Variants in C16orf87 observed in about 807,000 individuals in gnomAD.
C16orf87 encodes the protein UPF0547 protein C16orf87.
Under a neutral mutation model 21.0 loss-of-function variants are expected in C16orf87, and 13 were observed. The ratio of observed to expected loss-of-function variants is 0.62; its 90% CI spans 0.40 to 0.98. The LOEUF is 0.98. C16orf87 is among the 50% of genes least tolerant of loss of function. The probability of loss-of-function intolerance (pLI) is 0.00; values close to 1 mark genes in which losing one functional copy is unlikely to be tolerated. For missense variants in C16orf87, 113 were observed against 180.4 expected, an observed-to-expected ratio of 0.63 and a Z score of 2.14; for synonymous variants, 49 against 60.2, an observed-to-expected ratio of 0.81 and a Z score of 0.86.
At chr16:46,829,893 A>G (rs1302518335) in intron 1 of C16orf87, among the ~76,000 whole-genome samples, 1 of 151,400 alleles carries the variant, frequency 6.6e-6, no homozygotes, top group Non-Finnish European at 1.5e-5. Flanking sequence ...TCAGCTTATT[A>G]AAAAGTCTCC....
rs372934233 is a variant in C16orf87 at position 46,798,563 on chromosome 16, C to T, written c.*4389G>A. The T allele has an allele frequency of 2.2e-4, 34 of 152,146 alleles. 1 individual carries two copies. The highest frequency in any genetic ancestry group is 8.2e-4 in the African/African-American group (34 of 41,466). The allele number at this position is 152,146 out of a possible 1,614,324, so 9.4% of individuals were successfully genotyped here. The stretch of plus-strand genomic sequence containing the variant: ...AGGAGTTGAAGACCAGCCTGGCCAA[C>T]ATGGTAAAAACCTATCTCTACTAAA... On this transcript the variant is annotated 3_prime_UTR_variant, in exon 4 of 4. Coordinates refer to ENST00000285697, the MANE Select transcript of C16orf87 (RefSeq NM_001001436.4).
chr16:46,830,067 G>T (rs1959782086), intron 1 of C16orf87, among the ~76,000 whole-genome samples: 2 of 152,050 alleles, frequency 1.3e-5, no homozygotes, highest in African/African-American at 4.8e-5. Context: ...GGTTTTAACT[G>T]AAGTAGTTTT....
rs115579740 is a variant in C16orf87 at position 46,823,455 on chromosome 16, C to A, written c.163+931G>T. On this transcript the variant is annotated intron_variant, in intron 2 of 3. Transcript: ENST00000285697. The stretch of plus-strand genomic sequence containing the variant: ...CCAAGAATAAGTAACAAAATTGTAT[C>A]TTTTAATATTAATAAATATGTCTAT... 8.1e-3 allele frequency among the ~76,000 whole-genome samples: 1,234 copies of A among 152,208 alleles called. 23 individuals are homozygous for A. The highest frequency in any genetic ancestry group is 0.028 in the African/African-American group (1,155 of 41,510).
At chr16:46,826,921 A>C (rs1033597888) in intron 1 of C16orf87, among the ~76,000 whole-genome samples, 1 of 152,332 alleles carries the variant, frequency 6.6e-6, no homozygotes. Flanking sequence ...TCTTCCAGCT[A>C]CTGAAACTCA....
At position 46,816,918 on chromosome 16, in the gene C16orf87, C is replaced by T. The variant is rs1968263188; in HGVS notation, c.164-7133G>A. 1.3e-5 allele frequency among the ~76,000 whole-genome samples: 2 copies of T among 152,108 alleles called. 1 individual carries two copies. Among genetic ancestry groups the T allele is most frequent in the Admixed American group, 1.3e-4 (2 of 15,270 alleles). ...AATGTGTATAGGATGCTTAGATGTGCAATAAGAACTACCTCAGAACCATGA... is the reference window on the plus strand; with the variant it reads ...AATGTGTATAGGATGCTTAGATGTGTAATAAGAACTACCTCAGAACCATGA... On this transcript the variant is annotated intron_variant, in intron 2 of 3. Transcript: ENST00000285697.
chr16:46,831,163 A>AGCG lies in C16orf87; in HGVS notation c.-17_-15dup, dbSNP rs750698845. 1 of 1,554,842 alleles carries AGCG rather than the reference A, an allele frequency of 6.4e-7. No individual in the cohort carries two copies. Among genetic ancestry groups the AGCG allele is most frequent in the Non-Finnish European group, 8.7e-7 (1 of 1,146,524 alleles). On this transcript the variant is annotated 5_prime_UTR_variant, in exon 1 of 4. Transcript: ENST00000285697. Reference sequence around the variant, plus strand: ...AGTTGCAGACATGCTCCTCTCCCTTAGCGGCGGCAGCAGCGACGGCTCGGG... The same window carrying AGCG: ...AGTTGCAGACATGCTCCTCTCCCTTAGCGGCGGCGGCAGCAGCGACGGCTCGGG...
At chr16:46,808,163 C>T (rs750973307) in intron 3 of C16orf87, 27 of 451,132 alleles carry the variant, frequency 6.0e-5, no homozygotes, top group South Asian at 4.3e-4. Flanking sequence ...ACAAATTTAA[C>T]AAATAACTCA....
Position 46,798,911 on chromosome 16 carries a change from T to G in C16orf87, c.*4041A>C, listed in dbSNP as rs571538657. On this transcript the variant is annotated 3_prime_UTR_variant, in exon 4 of 4. Coordinates refer to ENST00000285697, the MANE Select transcript of C16orf87 (RefSeq NM_001001436.4). ...GAAATAAAAGAGTCTACCCTCAATC[T>G]ACTAAAGGGTATTTTTTCAAGCCCA... is the stretch of plus-strand genomic sequence containing the variant. The G allele has an allele frequency of 2.0e-5, 3 of 152,084 alleles. No homozygotes were observed. The highest frequency in any genetic ancestry group is 7.2e-5 in the African/African-American group (3 of 41,404). 9.4% of individuals were successfully genotyped at this position (152,084 alleles called of 1,614,324 possible). A position where few individuals can be genotyped will look rare whatever the true frequency, so the allele number is the denominator to read the frequency against.
intron 2 of C16orf87, 35 bp downstream of exon 2, chr16:46,824,351 T>C (rs767889956): frequency 1.1e-6 from 1 of 942,906 alleles, no homozygotes; most frequent in South Asian, 1.5e-5. Context: ...CATTTCTACA[T>C]CAAAAAGCTA....
chr16:46,809,578 A>C (rs1845792724), intron 3 of C16orf87, 25 bp downstream of exon 3: 2 of 1,569,346 alleles, frequency 1.3e-6, no homozygotes, highest in Non-Finnish European at 8.7e-7. Flanking sequence ...ATACTTGAAA[A>C]AAAAACTGCT....
chr16:46,825,295 AACAG>A (rs763202529), intron 1 of C16orf87, among the ~76,000 whole-genome samples: 1 of 152,228 alleles, frequency 6.6e-6, no homozygotes, highest in Non-Finnish European at 1.5e-5. Flanking sequence ...AGGCAAGAAA[AACAG>A]ACAAAGGCCC....
At position 46,800,246 on chromosome 16, in the gene C16orf87, C is replaced by T. The variant is rs1967733295; in HGVS notation, c.*2706G>A. 6.6e-6 allele frequency: 1 copy of T among 150,922 alleles called. No homozygotes were observed. The highest frequency in any genetic ancestry group is 2.4e-5 in the African/African-American group (1 of 40,986). The allele number at this position is 150,922 out of a possible 1,614,324, so 9.3% of individuals were successfully genotyped here. ...GAATAGACTGGCTAAATTTTCAGGTCATTTGCAATTTTAAATTTTCTCATC... is the reference window on the plus strand; with the variant it reads ...GAATAGACTGGCTAAATTTTCAGGTTATTTGCAATTTTAAATTTTCTCATC... On this transcript the variant is annotated 3_prime_UTR_variant, in exon 4 of 4. Coordinates refer to ENST00000285697, the MANE Select transcript of C16orf87 (RefSeq NM_001001436.4).
intron 2 of C16orf87, among the ~76,000 whole-genome samples, chr16:46,813,417 T>TC (rs1968155147): frequency 6.8e-6 from 1 of 146,844 alleles, no homozygotes; most frequent in South Asian, 2.1e-4. Flanking sequence ...TTCATTTCTC[T>TC]CCACCTCCAC....
intron 1 of C16orf87, among the ~76,000 whole-genome samples, chr16:46,826,187 G>GT (rs1387949316): frequency 6.6e-6 from 1 of 152,028 alleles, no homozygotes; most frequent in African/African-American, 2.4e-5. Context: ...ACTTATAACT[G>GT]TTTTTTAAGC....
At chr16:46,806,551 G>C (rs773773745) in intron 3 of C16orf87, among the ~76,000 whole-genome samples, 27 of 152,200 alleles carry the variant, frequency 1.8e-4, no homozygotes, top group Admixed American at 4.6e-4. Context: ...GAGCCACCAC[G>C]CCTGACCCAT....
In C16orf87 at chr16:46,796,918, T is replaced by A. The variant is rs1376136367; in HGVS notation, c.*6034A>T. 6.6e-6 allele frequency: 1 copy of A among 152,150 alleles called. No individual in the cohort carries two copies. Among genetic ancestry groups the A allele is most frequent in the African/African-American group, 2.4e-5 (1 of 41,434 alleles). 9.4% of individuals were successfully genotyped at this position (152,150 alleles called of 1,614,324 possible). A position where few individuals can be genotyped will look rare whatever the true frequency, so the allele number is the denominator to read the frequency against. Reference sequence around the variant, plus strand: ...GAATAAATTCAAACACCCGGGCACATCATAATCAAACCAATAAAAACCAAA... The same window carrying A: ...GAATAAATTCAAACACCCGGGCACAACATAATCAAACCAATAAAAACCAAA... On this transcript the variant is annotated 3_prime_UTR_variant, in exon 4 of 4. Coordinates refer to ENST00000285697, the MANE Select transcript of C16orf87 (RefSeq NM_001001436.4).
intron 1 of C16orf87, among the ~76,000 whole-genome samples, chr16:46,829,667 C>T (rs1438252444): frequency 6.6e-6 from 1 of 152,106 alleles, no homozygotes; most frequent in Non-Finnish European, 1.5e-5. Context: ...AAATTTAGTT[C>T]AGTAGTAAGA....
chr16:46,816,952 C>T (rs1968264054), intron 2 of C16orf87, among the ~76,000 whole-genome samples: 1 of 152,126 alleles, frequency 6.6e-6, no homozygotes, highest in South Asian at 2.1e-4. Context: ...GAGGATAAGC[C>T]ACGTCTTCTT....
intron 1 of C16orf87, among the ~76,000 whole-genome samples, chr16:46,827,281 C>T (rs1247072307): frequency 6.6e-6 from 1 of 152,112 alleles, no homozygotes; most frequent in African/African-American, 2.4e-5. Context: ...ACCATCACCA[C>T]CCTAGATCCT....
Sources: gnomAD v4.1 joint callset for allele counts (sites outside exome capture counted in the v4.1 genomes callset) on GRCh38, gnomAD v4.1.1 for gene constraint, MANE v1.5 for transcripts, NCBI Gene and HGNC (gene_info 2026-07-23, HGNC 2026-07-21) for gene names.